The following FARS2 variants were observed in gnomAD, a reference collection of about 807,000 sequenced individuals.
FARS2 encodes phenylalanyl-tRNA synthetase 2, mitochondrial.
FARS2 carries 40 observed loss-of-function variants against 46.4 expected under a neutral mutation model. That is an observed-to-expected ratio of 0.86 (90% CI 0.67 to 1.12). FARS2 has a LOEUF of 1.12. Among genes scored for constraint, FARS2 ranks in the 50% most tolerant of loss-of-function variants. FARS2 has a pLI of 0.00. For missense variants in FARS2, 513 were observed against 567.9 expected, an observed-to-expected ratio of 0.90 and a Z score of 0.98; for synonymous variants, 234 against 214.9, an observed-to-expected ratio of 1.09 and a Z score of -0.78.
chr6:5,753,673 G>C (rs7760017), intron 6 of FARS2, among the ~76,000 whole-genome samples: 42,547 of 152,086 alleles, frequency 0.28, 8,168 homozygotes, highest in African/African-American at 0.53. Flanking sequence ...GCTCTGTTTT[G>C]ATTTTTCCTA....
chr6:5,379,732 G>A (rs1261405129), intron 2 of FARS2, among the ~76,000 whole-genome samples: 1 of 152,244 alleles, frequency 6.6e-6, no homozygotes, highest in African/African-American at 2.4e-5. Context: ...GGGTACCGAG[G>A]AGAGCAGCTG....
intron 4 of FARS2, among the ~76,000 whole-genome samples, chr6:5,533,214 A>T (rs2150462958): frequency 6.6e-6 from 1 of 152,270 alleles, no homozygotes; most frequent in East Asian, 1.9e-4. Context: ...AATGAATAGA[A>T]TATTCACTTG....
intron 4 of FARS2, among the ~76,000 whole-genome samples, chr6:5,434,415 A>G (rs1763403133): frequency 6.6e-6 from 1 of 152,204 alleles, no homozygotes; most frequent in African/African-American, 2.4e-5. Context: ...CCCAGCCATA[A>G]TATTTAAATT....
At chr6:5,730,660 A>G (rs747537752) in intron 6 of FARS2, among the ~76,000 whole-genome samples, 34 of 152,210 alleles carry the variant, frequency 2.2e-4, no homozygotes, top group Non-Finnish European at 4.6e-4. Context: ...TAAGAGGAGC[A>G]AAATATTCAT....
intron 6 of FARS2, among the ~76,000 whole-genome samples, chr6:5,759,319 A>C (rs934874591): frequency 3.9e-5 from 6 of 152,136 alleles, no homozygotes; most frequent in African/African-American, 1.4e-4. Context: ...GTGTGGCCTC[A>C]TGGCACCATG....
intron 6 of FARS2, among the ~76,000 whole-genome samples, chr6:5,724,304 C>T (rs1320540170): frequency 1.3e-5 from 2 of 152,204 alleles, no homozygotes; most frequent in African/African-American, 4.8e-5. Context: ...GAGGAGCTAG[C>T]AGGGACAAGG....
At chr6:5,738,774 G>A (rs1248051405) in intron 6 of FARS2, among the ~76,000 whole-genome samples, 4 of 148,746 alleles carry the variant, frequency 2.7e-5, no homozygotes, top group Non-Finnish European at 6.0e-5. Flanking sequence ...CATACATTTA[G>A]AAAAAAAAAA....
chr6:5,514,186 T>C (rs972920489), intron 4 of FARS2, among the ~76,000 whole-genome samples: 6 of 152,130 alleles, frequency 3.9e-5, no homozygotes, highest in African/African-American at 7.2e-5. Flanking sequence ...TTCACAAATA[T>C]GCAGCCAAAC....
intron 2 of FARS2, among the ~76,000 whole-genome samples, chr6:5,386,287 G>T (rs1760130487): frequency 6.6e-6 from 1 of 152,204 alleles, no homozygotes; most frequent in Admixed American, 6.5e-5. Flanking sequence ...GGAATGTGTA[G>T]TGTGGAGCGT....
intron 5 of FARS2, among the ~76,000 whole-genome samples, chr6:5,570,918 A>G (rs896178016): frequency 6.6e-6 from 1 of 152,224 alleles, no homozygotes; most frequent in African/African-American, 2.4e-5. Flanking sequence ...AGCCACTTCC[A>G]TTACTGTGCC....
At chr6:5,395,195 C>T (rs1186684104) in intron 2 of FARS2, among the ~76,000 whole-genome samples, 2 of 152,034 alleles carry the variant, frequency 1.3e-5, no homozygotes, top group Non-Finnish European at 2.9e-5. Context: ...GGATTACAGG[C>T]ATGCACCACC....
At chr6:5,455,304 A>G (rs1272699504) in intron 4 of FARS2, among the ~76,000 whole-genome samples, 1 of 152,198 alleles carries the variant, frequency 6.6e-6, no homozygotes, top group Non-Finnish European at 1.5e-5. Flanking sequence ...CTTTCAAAAT[A>G]TATACACTTT....
intron 1 of FARS2, among the ~76,000 whole-genome samples, chr6:5,275,357 C>T (rs573014489): frequency 6.6e-6 from 1 of 152,238 alleles, no homozygotes; most frequent in South Asian, 2.1e-4. Flanking sequence ...CTGATTTTAT[C>T]ATTATTTCTT....
At chr6:5,350,112 C>T (rs375468658) in intron 1 of FARS2, among the ~76,000 whole-genome samples, 14 of 151,376 alleles carry the variant, frequency 9.2e-5, no homozygotes, top group African/African-American at 3.2e-4. Flanking sequence ...AAGGTTTGTT[C>T]GTTCGTTCTT....
At chr6:5,712,782 C>T (rs1477756752) in intron 6 of FARS2, among the ~76,000 whole-genome samples, 2 of 152,234 alleles carry the variant, frequency 1.3e-5, no homozygotes, top group East Asian at 1.9e-4. Flanking sequence ...GCCTAGGGAG[C>T]TCCTGCACTC....
chr6:5,407,231 C>T (rs2432771), intron 3 of FARS2, among the ~76,000 whole-genome samples: 93,901 of 151,240 alleles, frequency 0.62, 30,013 homozygotes, highest in African/African-American at 0.76. Context: ...TCTGGCCTTA[C>T]GCAGGATTCA....
At chr6:5,527,290 C>T (rs60461301) in intron 4 of FARS2, among the ~76,000 whole-genome samples, 2,082 of 152,336 alleles carry the variant, frequency 0.014, 53 homozygotes, top group African/African-American at 0.046. Context: ...TGCCGTCCAA[C>T]GGCATATCTC....
At chr6:5,703,960 C>CCTTCCTCCCT (rs1276121865) in intron 6 of FARS2, among the ~76,000 whole-genome samples, 4 of 152,024 alleles carry the variant, frequency 2.6e-5, no homozygotes, top group African/African-American at 9.7e-5. Context: ...TCTCTGAGCT[C>CCTTCCTCCCT]CTTCCTCCCT....
chr6:5,691,650 G>A (rs1038716578), intron 6 of FARS2, among the ~76,000 whole-genome samples: 1 of 152,236 alleles, frequency 6.6e-6, no homozygotes, highest in Admixed American at 6.5e-5. Flanking sequence ...ACCCACTTGA[G>A]GAGGCAGTCT....
Sources: gnomAD v4.1 joint callset for allele counts (sites outside exome capture counted in the v4.1 genomes callset) on GRCh38, gnomAD v4.1.1 for gene constraint, MANE v1.5 for transcripts, NCBI Gene and HGNC (gene_info 2026-07-23, HGNC 2026-07-21) for gene names.